Variants in TAOK1 observed in about 807,000 individuals in gnomAD.
TAOK1 encodes serine/threonine-protein kinase TAO1.
A neutral mutation model predicts 138.3 loss-of-function variants in TAOK1; 21 were observed. The ratio of observed to expected loss-of-function variants is 0.15; its 90% CI spans 0.11 to 0.22. TAOK1 has a LOEUF of 0.22. TAOK1 is among the 10% of genes least tolerant of loss of function. The pLI is 1.00. For synonymous variants in TAOK1, 361 were observed against 398.4 expected (o/e 0.91, Z 1.12); for missense variants, 651 against 1,227.7 (o/e 0.53, Z 7.02).
At chr17:29,472,216 TCAGA>T (rs887160234) in intron 3 of TAOK1, among the ~76,000 whole-genome samples, 17 of 151,698 alleles carry the variant, frequency 1.1e-4, no homozygotes, top group African/African-American at 4.1e-4. Flanking sequence ...CCCATATCCA[TCAGA>T]CAAATTGCTG....
At chr17:29,406,416 T>C (rs1904992481) in intron 1 of TAOK1, among the ~76,000 whole-genome samples, 2 of 152,094 alleles carry the variant, frequency 1.3e-5, no homozygotes, top group Non-Finnish European at 2.9e-5. Flanking sequence ...GAATGATCAA[T>C]ATTGAAGAGG....
At chr17:29,431,449 ATAAAT>A (rs1408293052) in intron 1 of TAOK1, among the ~76,000 whole-genome samples, 3 of 151,960 alleles carry the variant, frequency 2.0e-5, no homozygotes, top group Non-Finnish European at 4.4e-5. Context: ...CTCTAAATAA[ATAAAT>A]TAAAAAAAAA....
chr17:29,400,107 T>C (rs536855140), intron 1 of TAOK1, among the ~76,000 whole-genome samples: 103 of 152,232 alleles, frequency 6.8e-4, no homozygotes, highest in Non-Finnish European at 1.4e-3. Flanking sequence ...AGAAATGACA[T>C]TTCAGGCCGG....
chr17:29,431,085 G>A (rs1905812884), intron 1 of TAOK1, among the ~76,000 whole-genome samples: 2 of 152,156 alleles, frequency 1.3e-5, no homozygotes. Context: ...TTTCCTTAAA[G>A]TCTTAGCACA....
intron 14 of TAOK1, among the ~76,000 whole-genome samples, chr17:29,509,067 A>G (rs2031674052): frequency 6.6e-6 from 1 of 152,230 alleles, no homozygotes; most frequent in African/African-American, 2.4e-5. Flanking sequence ...AAAATAATTT[A>G]TAGTATAAAT....
chr17:29,453,957 C>T (rs1441926878), intron 2 of TAOK1, among the ~76,000 whole-genome samples: 1 of 151,006 alleles, frequency 6.6e-6, no homozygotes, highest in Non-Finnish European at 1.5e-5. Context: ...CACAAGCGTG[C>T]ACCACCAGGC....
chr17:29,504,527 G>T (rs1364488703), intron 13 of TAOK1, among the ~76,000 whole-genome samples: 1 of 151,654 alleles, frequency 6.6e-6, no homozygotes, highest in East Asian at 1.9e-4. Context: ...AAAATTAGCT[G>T]GGCGTGATGG....
intron 1 of TAOK1, among the ~76,000 whole-genome samples, chr17:29,442,771 A>T (rs2029979110): frequency 6.6e-6 from 1 of 152,132 alleles, no homozygotes; most frequent in African/African-American, 2.4e-5. Context: ...AAATGCTCAC[A>T]ACAGGCCTGG....
chr17:29,491,051 T>C (rs144618320), intron 9 of TAOK1, among the ~76,000 whole-genome samples: 1,633 of 152,304 alleles, frequency 0.011, 34 homozygotes, highest in African/African-American at 0.037. Flanking sequence ...CCATAGTTGA[T>C]ACATATAAGT....
In TAOK1 at chr17:29,451,548, G is replaced by C; in HGVS notation, c.-1G>C. 6.2e-7 allele frequency: 1 copy of C among 1,610,148 alleles called. No homozygotes were observed. The highest frequency in any genetic ancestry group is 2.2e-5 in the East Asian group (1 of 44,850). The stretch of plus-strand genomic sequence containing the variant: ...ATCAAGACAGCTGACTGCTCAGCAG[G>C]ATGCCATCAACTAACAGAGCAGGCA... On this transcript the variant is annotated 5_prime_UTR_variant, in exon 2 of 20. Transcript: ENST00000261716.
intron 1 of TAOK1, among the ~76,000 whole-genome samples, chr17:29,401,353 G>C (rs1425176211): frequency 6.6e-6 from 1 of 152,138 alleles, no homozygotes; most frequent in African/African-American, 2.4e-5. Context: ...ATCTGGGGAG[G>C]CTTCAGAAAA....
chr17:29,480,739 G>A (rs2031043880), intron 7 of TAOK1, among the ~76,000 whole-genome samples: 1 of 151,838 alleles, frequency 6.6e-6, no homozygotes, highest in Middle Eastern at 3.4e-3. Flanking sequence ...GCATGGTGGT[G>A]CATGCCTGTA....
chr17:29,496,094 T>G (rs1282934479), intron 11 of TAOK1, among the ~76,000 whole-genome samples: 1 of 151,942 alleles, frequency 6.6e-6, no homozygotes, highest in East Asian at 1.9e-4. Flanking sequence ...TGTTTTTTTA[T>G]TTTTTAATTT....
chr17:29,462,956 A>C (rs2030565458), intron 2 of TAOK1, among the ~76,000 whole-genome samples: 1 of 151,944 alleles, frequency 6.6e-6, no homozygotes, highest in African/African-American at 2.4e-5. Context: ...GTTCTTTGTT[A>C]GTTACTTATA....
At chr17:29,414,555 CT>C (rs989326888) in intron 1 of TAOK1, among the ~76,000 whole-genome samples, 3 of 138,146 alleles carry the variant, frequency 2.2e-5, no homozygotes, top group Non-Finnish European at 3.1e-5. Context: ...CAGCCCAATA[CT>C]TTATTTATTT....
chr17:29,520,885 G>T (rs897016083), intron 16 of TAOK1, among the ~76,000 whole-genome samples: 21 of 151,984 alleles, frequency 1.4e-4, no homozygotes, highest in Middle Eastern at 3.4e-3. Context: ...TTAGCCAGGC[G>T]TGGTGGCACA....
At chr17:29,439,903 A>G (rs12450818) in intron 1 of TAOK1, among the ~76,000 whole-genome samples, 2 of 149,598 alleles carry the variant, frequency 1.3e-5, no homozygotes, top group African/African-American at 4.9e-5. Context: ...TTTTTAAGAT[A>G]GTCTGTAATA....
chr17:29,542,729 C>T lies in TAOK1; in HGVS notation c.2713C>T (p.Pro905Ser), dbSNP rs756455876. ...LSPEAFSHSY[P>S]GASGWSHNPT... is the part of the protein sequence containing the mutation. Reference sequence around the variant, plus strand: ...CCCTGAGGCATTCAGCCACAGCTACCCGGGAGCTTCTGGTTGGTCACACAA... The same window carrying T: ...CCCTGAGGCATTCAGCCACAGCTACTCGGGAGCTTCTGGTTGGTCACACAA... The change falls in exon 20 of 20, where the codon CCG becomes TCG. Residue 905 changes from proline (P) to serine (S), a missense_variant. By Grantham distance (74) the Pro-to-Ser change is moderately conservative. Coordinates refer to ENST00000261716, the MANE Select transcript of TAOK1 (RefSeq NM_020791.4). 4 of 1,614,096 alleles carry T rather than the reference C, an allele frequency of 2.5e-6. No homozygotes were observed. In the South Asian group the frequency reaches 4.4e-5, roughly 18 times the overall value.
intron 9 of TAOK1, among the ~76,000 whole-genome samples, chr17:29,490,226 ACT>A (rs1773391528): frequency 6.6e-6 from 1 of 152,012 alleles, no homozygotes; most frequent in South Asian, 2.1e-4. Flanking sequence ...TATTGGGATC[ACT>A]CTAATTATCA....
Sources: allele counts gnomAD v4.1 joint callset (sites outside exome capture counted in the v4.1 genomes callset), GRCh38; gene constraint gnomAD v4.1.1; transcripts MANE v1.5; gene names NCBI Gene and HGNC (gene_info 2026-07-23, HGNC 2026-07-21).